The following UBE2U variants were observed in gnomAD, a reference collection of about 807,000 sequenced individuals.
UBE2U encodes ubiquitin conjugating enzyme E2 U.
In UBE2U, 39 loss-of-function variants were observed where a neutral mutation model predicts 41.2. That is an observed-to-expected ratio of 0.95 (90% CI 0.73 to 1.24). The LOEUF is 1.24. UBE2U is among the 50% of genes most tolerant of loss of function. UBE2U has a pLI of 0.00. For synonymous variants in UBE2U, 107 were observed against 117.8 expected, an observed-to-expected ratio of 0.91 and a Z score of 0.60; for missense variants, 336 against 363.1, an observed-to-expected ratio of 0.93 and a Z score of 0.61.
At chr1:64,230,319 C>A (rs981210903) in intron 6 of UBE2U, among the ~76,000 whole-genome samples, 1 of 152,152 alleles carries the variant, frequency 6.6e-6, no homozygotes, top group African/African-American at 2.4e-5. Flanking sequence ...AATTTACTTG[C>A]CTTATTCGAG....
In UBE2U at chr1:64,267,363, A is replaced by G. The variant is rs906976307; in HGVS notation, c.*155A>G. ...CAAATTAGAAATATAAGTACAAATC[A>G]GTAAAGATGTTGCTTTGACTTTTTT... is the stretch of plus-strand genomic sequence containing the variant. On this transcript the variant is annotated 3_prime_UTR_variant, in exon 10 of 10. Coordinates refer to ENST00000371077, the MANE Select transcript of UBE2U (RefSeq NM_001366232.2). 3.2e-6 allele frequency: 2 copies of G among 616,914 alleles called. No individual in the cohort carries two copies. The highest frequency in any genetic ancestry group is 3.9e-5 in the African/African-American group (2 of 51,734). 38.2% of individuals were successfully genotyped at this position (616,914 alleles called of 1,614,324 possible). A position where few individuals can be genotyped will look rare whatever the true frequency, so the allele number is the denominator to read the frequency against.
At chr1:64,236,499 T>C (rs1029073954) in intron 7 of UBE2U, among the ~76,000 whole-genome samples, 4 of 152,210 alleles carry the variant, frequency 2.6e-5, no homozygotes, top group Non-Finnish European at 4.4e-5. Context: ...TCCACTGCTA[T>C]AGAATGGCAA....
intron 5 of UBE2U, among the ~76,000 whole-genome samples, chr1:64,216,765 C>G (rs912527585): frequency 4.6e-5 from 7 of 152,192 alleles, no homozygotes; most frequent in Non-Finnish European, 8.8e-5. Context: ...TTTGCCTACC[C>G]TGAATAGCTA....
At chr1:64,206,095 C>G (rs1651280913) in intron 2 of UBE2U, among the ~76,000 whole-genome samples, 1 of 152,104 alleles carries the variant, frequency 6.6e-6, no homozygotes, top group Non-Finnish European at 1.5e-5. Context: ...AGTTACTTCT[C>G]ATTTTTTCCT....
chr1:64,241,650 A>C lies in UBE2U; in HGVS notation c.596-2A>C, dbSNP rs1644836794. The C allele has an allele frequency of 1.3e-6, 2 of 1,595,980 alleles. No homozygotes were observed. The highest frequency in any genetic ancestry group is 1.7e-6 in the Non-Finnish European group (2 of 1,170,952). On this transcript the variant is annotated splice_acceptor_variant, in intron 7 of 9. Transcript: ENST00000371077. LOFTEE classifies it high-confidence loss of function. ...CTTCTTTTTTTAATATTCTAATTTC[A>C]GTGCTCAAAGTTCCAAATTTCATTG...
rs1465775039 is a variant in UBE2U at position 64,267,148 on chromosome 1, G to A, written c.894G>A (p.Glu298=). 1 of 1,549,412 alleles carries A rather than the reference G, an allele frequency of 6.5e-7. No homozygotes were observed. The highest frequency in any genetic ancestry group is 2.4e-5 in the East Asian group (1 of 40,874). The change falls in exon 10 of 10, where the codon GAG becomes GAA. Residue 298 remains glutamate (E), a synonymous_variant. Coordinates refer to ENST00000371077, the MANE Select transcript of UBE2U (RefSeq NM_001366232.2). ...YENDTDEPRE[E]EVEDLISWTN... ...ATGACACAGATGAGCCCAGGGAAGA[G>A]GAAGTGGAAGATCTGATCTCCTGGA...
At chr1:64,264,531 C>A (rs746909643) in intron 9 of UBE2U, among the ~76,000 whole-genome samples, 5 of 152,096 alleles carry the variant, frequency 3.3e-5, no homozygotes, top group Non-Finnish European at 7.4e-5. Context: ...TTTATGCTTC[C>A]TGGGAGTTTT....
In UBE2U at chr1:64,220,872, C is replaced by T. The variant is rs1308130982; in HGVS notation, c.471C>T (p.Ser157=). ...FNRPLQMKDD[S]QELPKDPRKC... ...TTTTCTTTATAGTGAAAGATGACAG[C>T]CAGGAGTTACCTAAAGACCCACGTA... Residue 157 remains serine (S), a synonymous_variant, in exon 6 of 10, where the codon AGC becomes AGT. Coordinates refer to ENST00000371077, the MANE Select transcript of UBE2U (RefSeq NM_001366232.2). 6.2e-7 allele frequency: 1 copy of T among 1,606,736 alleles called. No individual in the cohort carries two copies. The highest frequency in any genetic ancestry group is 8.5e-7 in the Non-Finnish European group (1 of 1,177,802).
At chr1:64,241,539 C>A in intron 7 of UBE2U, 113 bp from the exon 8 acceptor site, 1 of 708,946 alleles carries the variant, frequency 1.4e-6, no homozygotes, top group Non-Finnish European at 2.4e-6. Context: ...TTATATAGTG[C>A]ATGTTATTGC....
At chr1:64,228,678 C>G (rs931814471) in intron 6 of UBE2U, among the ~76,000 whole-genome samples, 3 of 131,458 alleles carry the variant, frequency 2.3e-5, no homozygotes, top group African/African-American at 9.1e-5. Context: ...TTCTTTCTCT[C>G]TCTCTCTCTT....
chr1:64,229,917 C>T (rs1644521066), intron 6 of UBE2U, among the ~76,000 whole-genome samples: 1 of 152,170 alleles, frequency 6.6e-6, no homozygotes, highest in South Asian at 2.1e-4. Flanking sequence ...TAATCACACT[C>T]CTGAAGATCA....
At chr1:64,266,611 G>A (rs894242597) in intron 9 of UBE2U, among the ~76,000 whole-genome samples, 7 of 152,136 alleles carry the variant, frequency 4.6e-5, no homozygotes, top group Admixed American at 2.0e-4. Flanking sequence ...GTGCTTATAC[G>A]ATGTGTGCTG....
intron 6 of UBE2U, among the ~76,000 whole-genome samples, chr1:64,226,603 G>A (rs1218516415): frequency 2.6e-5 from 4 of 152,106 alleles, no homozygotes; most frequent in Non-Finnish European, 4.4e-5. Context: ...TGGCCAAGGT[G>A]GAAGGATTGC....
At chr1:64,250,660 A>G (rs929810836) in intron 8 of UBE2U, among the ~76,000 whole-genome samples, 2 of 152,176 alleles carry the variant, frequency 1.3e-5, no homozygotes, top group East Asian at 3.8e-4. Context: ...CTTGGAACCA[A>G]GCCAAATGTC....
intron 8 of UBE2U, among the ~76,000 whole-genome samples, chr1:64,246,337 A>G (rs887084683): frequency 1.3e-5 from 2 of 152,188 alleles, no homozygotes; most frequent in Non-Finnish European, 2.9e-5. Context: ...TTCTTTTGGT[A>G]TACCTATGTT....
intron 9 of UBE2U, among the ~76,000 whole-genome samples, chr1:64,265,350 A>G (rs1409407335): frequency 1.3e-5 from 2 of 152,204 alleles, no homozygotes; most frequent in African/African-American, 4.8e-5. Context: ...AAGCATGTGG[A>G]GTCAGAAAGG....
intron 8 of UBE2U, among the ~76,000 whole-genome samples, chr1:64,247,093 GT>G (rs1361077521): frequency 2.1e-5 from 1 of 48,136 alleles, no homozygotes; most frequent in Non-Finnish European, 6.1e-5. Context: ...TCAGAAGATA[GT>G]TATGTCTTTC....
At chr1:64,225,116 GA>G (rs1407381634) in intron 6 of UBE2U, among the ~76,000 whole-genome samples, 15 of 152,124 alleles carry the variant, frequency 9.9e-5, no homozygotes, top group Non-Finnish European at 4.4e-5. Context: ...GAATTACTAT[GA>G]AGATTAAATG....
At position 64,210,805 on chromosome 1, in the gene UBE2U, A is replaced by T. The variant is rs775176230; in HGVS notation, c.305A>T (p.Asn102Ile). 1.9e-6 allele frequency: 3 copies of T among 1,607,662 alleles called. No homozygotes were observed. The highest frequency in any genetic ancestry group is 2.6e-6 in the Non-Finnish European group (3 of 1,176,026). ...GACAACCCTGAGAAGTGGAATACAA[A>T]CTATACATTGAGCAGCATCTTACTT... ...FLDNPEKWNTNYTLSSILLAL... is the reference protein window; with the variant it reads ...FLDNPEKWNTIYTLSSILLAL... The change falls in exon 4 of 10, where the codon AAC (asparagine) becomes ATC (isoleucine). Residue 102 changes from asparagine (N) to isoleucine (I), a missense_variant. Asn to Ile is a moderately radical substitution (Grantham distance 149, BLOSUM62 -3). Coordinates refer to ENST00000371077, the MANE Select transcript of UBE2U (RefSeq NM_001366232.2).
Sources: gnomAD v4.1 joint callset for allele counts (sites outside exome capture counted in the v4.1 genomes callset) on GRCh38, gnomAD v4.1.1 for gene constraint, MANE v1.5 for transcripts, NCBI Gene and HGNC (gene_info 2026-07-23, HGNC 2026-07-21) for gene names.